Variants in LGR4 observed in about 807,000 individuals in gnomAD.
LGR4 encodes leucine-rich repeat-containing G protein-coupled receptor 4.
A neutral mutation model predicts 84.8 loss-of-function variants in LGR4; 44 were observed. That is an observed-to-expected ratio of 0.52 (90% CI 0.41 to 0.67). The LOEUF (loss-of-function observed/expected upper bound fraction) is 0.67, where lower values mean the gene tolerates loss of function less well. Among genes scored for constraint, LGR4 ranks in the 30% least tolerant of loss-of-function variants. The probability of loss-of-function intolerance (pLI) is 0.00; values close to 1 mark genes in which losing one functional copy is unlikely to be tolerated. For missense variants in LGR4, 1,032 were observed against 1,131.4 expected (o/e 0.91, Z 1.26); for synonymous variants, 429 against 434.3 (o/e 0.99, Z 0.15).
At chr11:27,433,028 G>T (rs1864139816) in intron 1 of LGR4, among the ~76,000 whole-genome samples, 1 of 152,134 alleles carries the variant, frequency 6.6e-6, no homozygotes. Context: ...TAAGAACTTT[G>T]GGTTTGTATT....
At chr11:27,419,330 G>A (rs1044318645) in intron 1 of LGR4, among the ~76,000 whole-genome samples, 2 of 151,716 alleles carry the variant, frequency 1.3e-5, no homozygotes, top group Admixed American at 6.6e-5. Context: ...TAGTAGTTAC[G>A]AAGGAAATGC....
chr11:27,434,046 G>A (rs1335033933), intron 1 of LGR4, among the ~76,000 whole-genome samples: 1 of 152,224 alleles, frequency 6.6e-6, no homozygotes. Flanking sequence ...TGGGAAGATT[G>A]GAAAGCACCA....
chr11:27,469,382 T>G (rs1029157226), intron 1 of LGR4, among the ~76,000 whole-genome samples: 1 of 152,200 alleles, frequency 6.6e-6, no homozygotes, highest in Non-Finnish European at 1.5e-5. Flanking sequence ...GAAAATCCCC[T>G]GTGGGAATGG....
Position 27,376,363 on chromosome 11 carries a change from G to A in LGR4, c.1117C>T (p.Gln373Ter). The A allele has an allele frequency of 2.0e-6, 3 of 1,518,198 alleles. No individual in the cohort carries two copies. Among genetic ancestry groups the A allele is most frequent in the Non-Finnish European group, 2.7e-6 (3 of 1,104,104 alleles). 94.0% of individuals were successfully genotyped at this position (1,518,198 alleles called of 1,614,324 possible). A position where few individuals can be genotyped will look rare whatever the true frequency, so the allele number is the denominator to read the frequency against. Residue 373 changes from glutamine to a stop codon, truncating the protein, a stop_gained, in exon 13 of 18, where the codon CAG becomes TAG. Transcript: ENST00000379214. LOFTEE classifies it high-confidence loss of function. ...TTTATTTGGTAGATTTGATTACGCT[G>A]TAAAGAACTAAATAAAAAAAGAAGA... is the stretch of plus-strand genomic sequence containing the variant. Reference protein sequence around the residue: ...GCHALEEISLQRNQIYQIKEG... With the variant: ...GCHALEEISL
intron 1 of LGR4, among the ~76,000 whole-genome samples, chr11:27,434,354 A>G (rs530573215): frequency 6.6e-6 from 1 of 152,368 alleles, no homozygotes; most frequent in African/African-American, 2.4e-5. Flanking sequence ...AGATGCTTTC[A>G]ATGGGAAAGG....
chr11:27,439,802 C>T (rs976505368), intron 1 of LGR4, among the ~76,000 whole-genome samples: 8 of 151,894 alleles, frequency 5.3e-5, no homozygotes, highest in African/African-American at 9.7e-5. Flanking sequence ...AGGTAGTGAG[C>T]GAATACTTTA....
intron 1 of LGR4, among the ~76,000 whole-genome samples, chr11:27,464,175 A>C (rs1482083843): frequency 1.3e-5 from 2 of 152,202 alleles, no homozygotes; most frequent in East Asian, 1.9e-4. Context: ...TTCTGCAAAA[A>C]TGCAGTTCTC....
At chr11:27,377,498 A>G (rs1376387008) in intron 11 of LGR4, among the ~76,000 whole-genome samples, 1 of 151,670 alleles carries the variant, frequency 6.6e-6, no homozygotes, top group East Asian at 1.9e-4. Context: ...TATAAAGTAC[A>G]TAACATAAAT....
chr11:27,372,265 T>C lies in LGR4; in HGVS notation c.1495+18A>G. 1 of 1,405,586 alleles carries C rather than the reference T, an allele frequency of 7.1e-7. No individual in the cohort carries two copies. The highest frequency in any genetic ancestry group is 1.0e-6 in the Non-Finnish European group (1 of 990,256). 87.1% of individuals were successfully genotyped at this position (1,405,586 alleles called of 1,614,324 possible). A position where few individuals can be genotyped will look rare whatever the true frequency, so the allele number is the denominator to read the frequency against. ...TGCCTTAAAGGAGTGTTCTATTTTT[T>C]GAAACTCATGCACTTGCCTTTCTCC... On this transcript the variant is annotated intron_variant, in intron 16 of 17. Coordinates refer to ENST00000379214, the MANE Select transcript of LGR4 (RefSeq NM_018490.5).
chr11:27,466,188 G>A (rs187790675), intron 1 of LGR4, among the ~76,000 whole-genome samples: 2 of 152,110 alleles, frequency 1.3e-5, no homozygotes, highest in Non-Finnish European at 2.9e-5. Context: ...ACATTTGGCA[G>A]GGTTTTAACT....
chr11:27,408,809 G>A lies in LGR4; in HGVS notation c.257+3980C>T, dbSNP rs548689015. 7.2e-5 allele frequency among the ~76,000 whole-genome samples: 11 copies of A among 152,194 alleles called. No individual in the cohort carries two copies. The South Asian group carries it at 1.9e-3, about 26-fold the overall frequency. ...GATGATTAGTAAAATTTCTCACGGC[G>A]ACATAGCATTTTATGGTTACAAATC... On this transcript the variant is annotated intron_variant, in intron 2 of 17. Transcript: ENST00000379214.
At chr11:27,432,843 C>T (rs1194111600) in intron 1 of LGR4, among the ~76,000 whole-genome samples, 1 of 152,160 alleles carries the variant, frequency 6.6e-6, no homozygotes, top group Non-Finnish European at 1.5e-5. Flanking sequence ...TCTCCTTACC[C>T]GTATATCCTC....
chr11:27,459,480 C>CT (rs1006316656), intron 1 of LGR4, among the ~76,000 whole-genome samples: 224 of 141,640 alleles, frequency 1.6e-3, no homozygotes, highest in East Asian at 6.8e-3. Flanking sequence ...AGGGCAAATT[C>CT]TTTTTTTTTT....
intron 1 of LGR4, among the ~76,000 whole-genome samples, chr11:27,433,356 G>C (rs964968324): frequency 4.0e-5 from 6 of 151,722 alleles, no homozygotes; most frequent in Admixed American, 1.3e-4. Context: ...GGGACCACAG[G>C]CGCCTGCCAC....
chr11:27,414,321 G>A (rs1175467233), intron 1 of LGR4, among the ~76,000 whole-genome samples: 1 of 151,624 alleles, frequency 6.6e-6, no homozygotes, highest in Non-Finnish European at 1.5e-5. Context: ...AAACTGGGAG[G>A]AATAATGCCC....
intron 1 of LGR4, among the ~76,000 whole-genome samples, chr11:27,458,791 G>A (rs746491918): frequency 2.0e-5 from 3 of 152,000 alleles, no homozygotes; most frequent in Non-Finnish European, 4.4e-5. Flanking sequence ...CGCCCACCTT[G>A]GCCTCCCAAA....
At chr11:27,406,505 T>G (rs1863613018) in intron 2 of LGR4, among the ~76,000 whole-genome samples, 1 of 152,084 alleles carries the variant, frequency 6.6e-6, no homozygotes, top group Non-Finnish European at 1.5e-5. Context: ...TCACAGAGTT[T>G]TATGAGTTAA....
chr11:27,374,374 G>T (rs182610195), intron 13 of LGR4, among the ~76,000 whole-genome samples: 4 of 152,238 alleles, frequency 2.6e-5, no homozygotes, highest in African/African-American at 9.6e-5. Flanking sequence ...ACTCAGTGAG[G>T]AAAAGCTCAG....
intron 2 of LGR4, among the ~76,000 whole-genome samples, chr11:27,400,148 G>T (rs1252400533): frequency 1.3e-5 from 2 of 152,034 alleles, no homozygotes; most frequent in Admixed American, 6.6e-5. Context: ...TGTTCATTGG[G>T]TATTTTGAAT....
Sources: gnomAD v4.1 joint callset for allele counts (sites outside exome capture counted in the v4.1 genomes callset) on GRCh38, gnomAD v4.1.1 for gene constraint, MANE v1.5 for transcripts, NCBI Gene and HGNC (gene_info 2026-07-23, HGNC 2026-07-21) for gene names.